The following NOS1 variants were observed in gnomAD, a reference collection of about 807,000 sequenced individuals.
The protein encoded by NOS1 is nitric oxide synthase 1.
Under a neutral mutation model 164.5 loss-of-function variants are expected in NOS1, and 51 were observed. The observed-to-expected ratio is 0.31, with a 90% CI of 0.25 to 0.39. NOS1 has a LOEUF of 0.39. Among genes scored for constraint, NOS1 ranks in the 10% least tolerant of loss-of-function variants. The pLI is 1.00. For missense variants in NOS1, 1,362 were observed against 1,885.6 expected, an observed-to-expected ratio of 0.72 and a Z score of 5.14; for synonymous variants, 719 against 745.8, an observed-to-expected ratio of 0.96 and a Z score of 0.59.
chr12:117,347,838 G>A (rs1160153305), intron 1 of NOS1, among the ~76,000 whole-genome samples: 3 of 152,140 alleles, frequency 2.0e-5, no homozygotes, highest in Non-Finnish European at 4.4e-5. Context: ...GTCTGAATCT[G>A]TTTCTTCTTT....
chr12:117,351,638 C>T (rs1876624283), intron 1 of NOS1, among the ~76,000 whole-genome samples: 1 of 152,206 alleles, frequency 6.6e-6, no homozygotes, highest in South Asian at 2.1e-4. Flanking sequence ...GCCAAGTCAT[C>T]CTAATCACCA....
intron 1 of NOS1, among the ~76,000 whole-genome samples, chr12:117,353,305 A>G (rs191860649): frequency 2.6e-5 from 4 of 151,936 alleles, no homozygotes; most frequent in African/African-American, 9.7e-5. Context: ...CTGTCTATCT[A>G]TCATCTATCT....
rs200912388 is a variant in NOS1, at chr12:117,277,892, G to C, written c.1664+67C>G. The stretch of plus-strand genomic sequence containing the variant: ...CTAGAAAGAAAGCCAGGGGGGATGG[G>C]GCTGGGCAAAGAGGGGCACTGGGCA... On this transcript the variant is annotated intron_variant, in intron 9 of 28. Transcript: ENST00000317775. 1,288 of 1,522,158 alleles carry C rather than the reference G, an allele frequency of 8.5e-4. 26 individuals carry two copies. The highest frequency in any genetic ancestry group is 1.9e-4 in the Non-Finnish European group (211 of 1,124,764). 94.3% of individuals were successfully genotyped at this position (1,522,158 alleles called of 1,614,324 possible). A position where few individuals can be genotyped will look rare whatever the true frequency, so the allele number is the denominator to read the frequency against.
chr12:117,254,732 T>C (rs1871313724), intron 16 of NOS1, among the ~76,000 whole-genome samples: 1 of 152,194 alleles, frequency 6.6e-6, no homozygotes, highest in Non-Finnish European at 1.5e-5. Context: ...GGGTGTCACT[T>C]GCACCAGCCA....
intron 1 of NOS1, among the ~76,000 whole-genome samples, chr12:117,360,571 G>T (rs1242028367): frequency 6.6e-6 from 1 of 152,244 alleles, no homozygotes; most frequent in Non-Finnish European, 1.5e-5. Context: ...GGTGCGGGCG[G>T]CCCCGCCATG....
intron 1 of NOS1, among the ~76,000 whole-genome samples, chr12:117,336,969 G>T (rs1331685225): frequency 2.0e-5 from 3 of 151,616 alleles, no homozygotes; most frequent in African/African-American, 7.3e-5. Flanking sequence ...GCTAATTTTT[G>T]TATTTTTGTA....
chr12:117,246,796 T>C (rs1202801006), intron 18 of NOS1, among the ~76,000 whole-genome samples: 1 of 152,228 alleles, frequency 6.6e-6, no homozygotes, highest in African/African-American at 2.4e-5. Flanking sequence ...TGTTGTAGCA[T>C]GTATCACCAC....
intron 23 of NOS1, 107 bp from the exon 24 acceptor site, chr12:117,226,877 T>A: frequency 1.2e-6 from 1 of 820,778 alleles, no homozygotes; most frequent in Non-Finnish European, 2.0e-6. Flanking sequence ...AGTTTATCCT[T>A]TGGAATTCCT....
chr12:117,287,469 G>T (rs777518105), intron 5 of NOS1, among the ~76,000 whole-genome samples: 1 of 151,354 alleles, frequency 6.6e-6, no homozygotes. Flanking sequence ...ATGGAGTCTC[G>T]CTCTGTTCGC....
intron 3 of NOS1, among the ~76,000 whole-genome samples, chr12:117,310,436 G>A (rs1161335693): frequency 3.3e-5 from 5 of 152,184 alleles, no homozygotes; most frequent in Non-Finnish European, 7.4e-5. Context: ...ATGTTAATAA[G>A]TGAAAAAGCA....
Position 117,278,061 on chromosome 12 carries a change from C to T in NOS1, c.1562G>A (p.Arg521His), listed in dbSNP as rs757502839. The T allele has an allele frequency of 6.2e-6, 10 of 1,613,938 alleles. No homozygotes were observed. Among genetic ancestry groups the T allele is most frequent in the East Asian group, 2.2e-5 (1 of 44,866 alleles). ...IQQGWKPPRG[R>H]FDVLPLLLQA... The stretch of plus-strand genomic sequence containing the variant: ...AAGCAGGAGCGGCAGGACATCGAAG[C>T]GGCCTCTAGGCGGTTTCCAGCCCTG... The change falls in exon 9 of 29, where the codon CGC becomes CAC. Residue 521 changes from arginine (R) to histidine (H), a missense_variant. Physicochemically the swap from Arg to His is conservative, Grantham distance 29. Coordinates refer to ENST00000317775, the MANE Select transcript of NOS1 (RefSeq NM_000620.5).
chr12:117,330,584 G>A lies in NOS1; in HGVS notation c.486C>T (p.Ala162=). 6.2e-7 allele frequency: 1 copy of A among 1,612,896 alleles called. No homozygotes were observed. Among genetic ancestry groups the A allele is most frequent in the Non-Finnish European group, 8.5e-7 (1 of 1,179,572 alleles). The part of the protein sequence containing the change: ...ASGPGNGPQH[A]YDDGQEAGSL... ...AGCCAGCCTCCTGCCCATCATCGTA[G>A]GCATGCTGAGGCCCATTCCCGGGAC... The change falls in exon 2 of 29, where the codon GCC becomes GCT. Residue 162 remains alanine (A), a synonymous_variant. Transcript: ENST00000317775. The surrounding 1 kb of genome is among the most constrained non-coding windows in gnomAD (Gnocchi z 4.6).
In NOS1 at chr12:117,272,236, G is replaced by A; in HGVS notation, c.1839+149C>T. On this transcript the variant is annotated intron_variant, in intron 10 of 28. Coordinates refer to ENST00000317775, the MANE Select transcript of NOS1 (RefSeq NM_000620.5). This position sits in a 1 kb window ranked among gnomAD's most constrained non-coding sequence, Gnocchi z 4.3. ...TGTTGTTAAAGACATGGATGCCCCT[G>A]GCATTTCCAGGGGCTTCTCTGGGAT... The A allele has an allele frequency of 1.3e-6, 1 of 786,228 alleles. No homozygotes were observed. Among genetic ancestry groups the A allele is most frequent in the Non-Finnish European group, 2.1e-6 (1 of 468,052 alleles). 48.7% of individuals were successfully genotyped at this position (786,228 alleles called of 1,614,324 possible).
At position 117,232,052 on chromosome 12, in the gene NOS1, G is replaced by A; in HGVS notation, c.3315C>T (p.Ile1105=). 6.2e-7 allele frequency: 1 copy of A among 1,612,492 alleles called. No homozygotes were observed. Among genetic ancestry groups the A allele is most frequent in the Non-Finnish European group, 8.5e-7 (1 of 1,180,016 alleles). The part of the protein sequence containing the change: ...IFQAFKYYLD[I]TTPPTPLQLQ... ...GCTGCAGAGGCGTTGGTGGCGTGGT[G>A]ATGTCCAGGTAGTACTTGAAGGCCT... The change falls in exon 22 of 29, where the codon ATC becomes ATT. Residue 1105 remains isoleucine, a synonymous_variant. Coordinates refer to ENST00000317775, the MANE Select transcript of NOS1 (RefSeq NM_000620.5).
At chr12:117,287,130 C>T (rs369552804) in intron 5 of NOS1, among the ~76,000 whole-genome samples, 2 of 152,026 alleles carry the variant, frequency 1.3e-5, no homozygotes, top group African/African-American at 4.8e-5. Context: ...CAGAGAATCG[C>T]TTGAGTCTGG....
intron 17 of NOS1, among the ~76,000 whole-genome samples, 163 bp from the exon 18 acceptor site, chr12:117,247,685 T>C (rs1870736293): frequency 6.6e-6 from 1 of 152,000 alleles, no homozygotes; most frequent in Non-Finnish European, 1.5e-5. Flanking sequence ...TAATTAAGGT[T>C]AAATGAGGTT....
chr12:117,242,324 T>C (rs1870244025), intron 20 of NOS1, among the ~76,000 whole-genome samples: 1 of 152,250 alleles, frequency 6.6e-6, no homozygotes, highest in Non-Finnish European at 1.5e-5. Context: ...GCTAAGATGC[T>C]GTGGTACAAC....
intron 22 of NOS1, among the ~76,000 whole-genome samples, chr12:117,229,279 A>G (rs1390627180): frequency 6.6e-6 from 1 of 152,072 alleles, no homozygotes; most frequent in Non-Finnish European, 1.5e-5. Flanking sequence ...CTCCCTGCCA[A>G]TGACCAAGCA....
At chr12:117,259,153 T>C (rs1473546790) in intron 14 of NOS1, 23 bp from the exon 15 acceptor site, 8 of 1,514,546 alleles carry the variant, frequency 5.3e-6, no homozygotes, top group Non-Finnish European at 7.3e-6. Context: ...GGCACAGGTA[T>C]AGGATGGGGA....
Sources: gnomAD v4.1 joint callset for allele counts (sites outside exome capture counted in the v4.1 genomes callset) on GRCh38, gnomAD v4.1.1 for gene constraint, Gnocchi (gnomAD v3.1) non-coding constraint, MANE v1.5 for transcripts, NCBI Gene and HGNC (gene_info 2026-07-23, HGNC 2026-07-21) for gene names.